The following KRABD2 variants were observed in gnomAD, a reference collection of about 807,000 sequenced individuals.
The protein encoded by KRABD2 is KRAB domain containing 2.
the KRABD2 span, chr17:8,376,308 A>C: frequency 8.2e-7 from 1 of 1,223,834 alleles, no homozygotes; most frequent in Non-Finnish European, 1.0e-6. Flanking sequence ...TTACTGACTA[A>C]AGCAAAGTTA....
the KRABD2 span, among the ~76,000 whole-genome samples, chr17:8,360,412 CTTTG>C: frequency 6.6e-6 from 1 of 152,120 alleles, no homozygotes; most frequent in Non-Finnish European, 1.5e-5. Context: ...TTCCTGCCTT[CTTTG>C]TTTGCTTGGA....
the KRABD2 span, chr17:8,359,746 AAGGC>A: frequency 2.2e-6 from 1 of 456,072 alleles, no homozygotes; most frequent in Non-Finnish European, 4.4e-6. Context: ...TCAGGGCAGA[AAGGC>A]AGGGTTTCAG....
chr17:8,371,197 G>T, the KRABD2 span: 1 of 986,882 alleles, frequency 1.0e-6, no homozygotes, highest in Non-Finnish European at 1.5e-6. Context: ...TGGCTGAGGA[G>T]TCTGTCCTTA....
At chr17:8,369,610 C>T in the KRABD2 span, 11 of 1,614,094 alleles carry the variant, frequency 6.8e-6, no homozygotes, top group Admixed American at 1.7e-4. Context: ...AGCTCATGAA[C>T]AACCTGGTTT....
the KRABD2 span, among the ~76,000 whole-genome samples, chr17:8,367,719 C>A: frequency 2.6e-5 from 4 of 151,042 alleles, no homozygotes; most frequent in Non-Finnish European, 2.9e-5. Context: ...AGGCAGAGGA[C>A]CCTGCGGCCT....
chr17:8,369,475 G>A, the KRABD2 span: 44 of 1,613,886 alleles, frequency 2.7e-5, no homozygotes, highest in Non-Finnish European at 3.6e-5. Context: ...TGACATGAGT[G>A]GTTACTCTGC....
the KRABD2 span, chr17:8,376,645 G>A: frequency 5.1e-6 from 5 of 985,540 alleles, no homozygotes; most frequent in Admixed American, 6.1e-5. Context: ...AGGAGAAAGG[G>A]ACACACCAGA....
the KRABD2 span, chr17:8,376,196 A>G: frequency 8.1e-7 from 1 of 1,231,548 alleles, no homozygotes; most frequent in Non-Finnish European, 1.0e-6. Flanking sequence ...TTTAAAGGAC[A>G]TTTTGTCAAA....
chr17:8,370,016 A>G, the KRABD2 span: 2 of 1,614,184 alleles, frequency 1.2e-6, no homozygotes, highest in Admixed American at 1.7e-5. Flanking sequence ...TGAGATGTGT[A>G]TCATGAAGAA....
At chr17:8,375,536 AT>A in the KRABD2 span, among the ~76,000 whole-genome samples, 62,347 of 140,966 alleles carry the variant, frequency 0.44, 14,497 homozygotes, top group African/African-American at 0.61. Flanking sequence ...TTTTTCTTTC[AT>A]TTTTTTTTTT....
chr17:8,374,566 T>C, the KRABD2 span, among the ~76,000 whole-genome samples: 4 of 148,554 alleles, frequency 2.7e-5, no homozygotes, highest in South Asian at 2.1e-4. Flanking sequence ...CCCTCCACTA[T>C]TGTCCTATGA....
the KRABD2 span, among the ~76,000 whole-genome samples, chr17:8,366,137 AAT>A: frequency 6.6e-6 from 1 of 150,792 alleles, no homozygotes; most frequent in Non-Finnish European, 1.5e-5. Context: ...TCAAAAAAAA[AAT>A]AATAAAATAA....
the KRABD2 span, chr17:8,376,658 C>A: frequency 1.0e-6 from 1 of 985,274 alleles, no homozygotes; most frequent in African/African-American, 1.7e-5. Flanking sequence ...ACACCAGACG[C>A]GGCGTCTGAA....
the KRABD2 span, chr17:8,375,884 T>C: frequency 8.1e-7 from 1 of 1,227,602 alleles, no homozygotes; most frequent in Non-Finnish European, 1.0e-6. Flanking sequence ...AAGCCATGTT[T>C]ACTCCCTTCA....
the KRABD2 span, chr17:8,369,045 C>T: frequency 1.3e-6 from 2 of 1,507,954 alleles, no homozygotes; most frequent in African/African-American, 1.4e-5. Context: ...GTGCAGCCTT[C>T]AATCTTTTCC....
At chr17:8,361,059 C>T in the KRABD2 span, among the ~76,000 whole-genome samples, 2 of 152,136 alleles carry the variant, frequency 1.3e-5, no homozygotes, top group African/African-American at 4.8e-5. Context: ...TCAGAAATAT[C>T]AGAAGAAAAC....
At chr17:8,359,978 G>A in the KRABD2 span, 1 of 387,262 alleles carries the variant, frequency 2.6e-6, no homozygotes, top group Non-Finnish European at 5.2e-6. Flanking sequence ...GCCACTGAAT[G>A]ACTCACCAAA....
chr17:8,365,087 GACTAGCCTGTGGCAC>G, the KRABD2 span, among the ~76,000 whole-genome samples: 4 of 152,002 alleles, frequency 2.6e-5, no homozygotes, highest in Non-Finnish European at 5.9e-5. Context: ...TGCAAGCTGA[GACTAGCCTGTGGCAC>G]ACCGGTTAGT....
At chr17:8,359,900 T>C in the KRABD2 span, 1 of 453,150 alleles carries the variant, frequency 2.2e-6, no homozygotes, top group Non-Finnish European at 4.4e-6. Context: ...CAAGAGGGGA[T>C]GTCATTCAAA....
Sources: gnomAD v4.1 joint callset for allele counts (sites outside exome capture counted in the v4.1 genomes callset) on GRCh38, gnomAD v4.1.1 for gene constraint, MANE v1.5 for transcripts, NCBI Gene and HGNC (gene_info 2026-07-23, HGNC 2026-07-21) for gene names.